The following PCED1B variants were observed in gnomAD, a reference collection of about 807,000 sequenced individuals.
PCED1B encodes the protein PC-esterase domain containing 1B, also known as PC-esterase domain-containing protein 1B.
For synonymous variants in PCED1B, 251 were observed against 246.1 expected, an observed-to-expected ratio of 1.02 and a Z score of -0.19; for missense variants, 573 against 573.9, an observed-to-expected ratio of 1.00 and a Z score of 0.02.
At chr12:47,226,606 C>T (rs1381490693) in intron 3 of PCED1B, among the ~76,000 whole-genome samples, 2 of 152,176 alleles carry the variant, frequency 1.3e-5, no homozygotes, top group Non-Finnish European at 2.9e-5. Context: ...AACTCCTGAT[C>T]TCAAGTTATC....
At chr12:47,151,098 G>A (rs1317887293) in intron 2 of PCED1B, among the ~76,000 whole-genome samples, 1 of 148,694 alleles carries the variant, frequency 6.7e-6, no homozygotes, top group Non-Finnish European at 1.5e-5. Context: ...AAACCAATAG[G>A]ATATTATTTT....
chr12:47,191,406 C>G (rs1942435099), intron 2 of PCED1B, among the ~76,000 whole-genome samples: 1 of 152,148 alleles, frequency 6.6e-6, no homozygotes, highest in African/African-American at 2.4e-5. Context: ...ATTCTATACC[C>G]CAGTGTCAGC....
chr12:47,184,681 T>A (rs1280621163), intron 2 of PCED1B, among the ~76,000 whole-genome samples: 5 of 151,052 alleles, frequency 3.3e-5, no homozygotes, highest in African/African-American at 1.2e-4. Flanking sequence ...AAAAAAAAAA[T>A]TACAATCTAC....
rs1358284620 is a variant in PCED1B at position 47,223,285 on chromosome 12, C to T, written c.-58+6596C>T. 5.3e-5 allele frequency among the ~76,000 whole-genome samples: 8 copies of T among 152,142 alleles called. No homozygotes were observed. In the East Asian group the frequency reaches 1.5e-3, roughly 29 times the overall value. On this transcript the variant is annotated intron_variant, in intron 3 of 3. Transcript: ENST00000546455. ...CCCCTACCCCTCATACTGTAAGAAC[C>T]AAAAAGTGGCCACTGAAAGGAGCAA...
intron 2 of PCED1B, among the ~76,000 whole-genome samples, chr12:47,144,162 G>C (rs180982913): frequency 6.6e-6 from 1 of 152,298 alleles, no homozygotes; most frequent in East Asian, 1.9e-4. Context: ...TTGTAGAGTG[G>C]TGGGTTGAGC....
intron 2 of PCED1B, among the ~76,000 whole-genome samples, chr12:47,153,048 G>T (rs548229444): frequency 2.0e-5 from 3 of 151,986 alleles, no homozygotes; most frequent in East Asian, 2.0e-4. Context: ...AGGAGAAAAT[G>T]CTTAGAATAT....
chr12:47,080,812 CCTCTCT>C (rs1211822735), intron 1 of PCED1B, among the ~76,000 whole-genome samples: 3 of 151,872 alleles, frequency 2.0e-5, no homozygotes, highest in African/African-American at 4.8e-5. Context: ...TCTCTCTCTC[CCTCTCT>C]CTCCTTTCTC....
chr12:47,127,458 TC>T (rs1939937388), intron 2 of PCED1B, among the ~76,000 whole-genome samples: 1 of 150,326 alleles, frequency 6.7e-6, no homozygotes, highest in Admixed American at 6.7e-5. Context: ...AACCTCTGCC[TC>T]CCAGGTTCAA....
At chr12:47,187,126 C>T (rs887145630) in intron 2 of PCED1B, among the ~76,000 whole-genome samples, 2 of 152,114 alleles carry the variant, frequency 1.3e-5, no homozygotes, top group African/African-American at 2.4e-5. Flanking sequence ...AGAAATGCTG[C>T]CCTACTTAAC....
intron 2 of PCED1B, among the ~76,000 whole-genome samples, chr12:47,148,650 T>C (rs1940880544): frequency 6.6e-6 from 1 of 152,230 alleles, no homozygotes; most frequent in South Asian, 2.1e-4. Context: ...CAGAGAGCCA[T>C]GTTTGATGTT....
At chr12:47,203,414 T>A (rs555663445) in intron 2 of PCED1B, among the ~76,000 whole-genome samples, 1 of 152,294 alleles carries the variant, frequency 6.6e-6, no homozygotes, top group African/African-American at 2.4e-5. Context: ...CACCCAGGTA[T>A]TAAGCCCAGC....
intron 2 of PCED1B, among the ~76,000 whole-genome samples, chr12:47,181,000 CTTT>C (rs60972537): frequency 1.2e-3 from 180 of 147,200 alleles, no homozygotes; most frequent in African/African-American, 3.5e-3. Flanking sequence ...CTTTTTCTTT[CTTT>C]TTTTTTTTTT....
rs554927185 is a variant in PCED1B, at chr12:47,159,507, G to C, written c.-526+55312G>C. On this transcript the variant is annotated intron_variant, in intron 2 of 3. Transcript: ENST00000546455. ...TTTCTCTGATGATTAGTGATGTAGA[G>C]CATTTTGTTGGCCATTTGTGTGTCT... Among the ~76,000 whole-genome samples, 51 of 152,034 alleles carry C rather than the reference G, an allele frequency of 3.4e-4. No individual in the cohort carries two copies. The South Asian group carries it at 0.01, about 30-fold the overall frequency.
chr12:47,215,293 A>T (rs1439728571), intron 2 of PCED1B, among the ~76,000 whole-genome samples: 1 of 137,044 alleles, frequency 7.3e-6, no homozygotes, highest in Admixed American at 7.5e-5. Context: ...TGCTCTTGTC[A>T]CCCTGACTGG....
intron 2 of PCED1B, among the ~76,000 whole-genome samples, chr12:47,154,229 C>T (rs1278818690): frequency 6.6e-6 from 1 of 152,142 alleles, no homozygotes. Context: ...TTCTGGTAGT[C>T]CTTTTAAGTT....
At chr12:47,155,496 C>T (rs1158518940) in intron 2 of PCED1B, among the ~76,000 whole-genome samples, 1 of 152,216 alleles carries the variant, frequency 6.6e-6, no homozygotes, top group East Asian at 1.9e-4. Context: ...GAATTATCAT[C>T]TGAGTCTGTG....
chr12:47,096,075 A>C (rs1199519443), intron 1 of PCED1B, among the ~76,000 whole-genome samples: 1 of 152,134 alleles, frequency 6.6e-6, no homozygotes, highest in Non-Finnish European at 1.5e-5. Context: ...ATATCAGAAG[A>C]CCACATCCTC....
intron 3 of PCED1B, among the ~76,000 whole-genome samples, chr12:47,222,765 T>C (rs984116652): frequency 2.2e-5 from 2 of 89,232 alleles, no homozygotes; most frequent in African/African-American, 1.3e-4. Flanking sequence ...TAGTAAGCAG[T>C]GGAGCAGGAT....
chr12:47,170,869 C>G (rs886562199), intron 2 of PCED1B, among the ~76,000 whole-genome samples: 5 of 151,784 alleles, frequency 3.3e-5, no homozygotes, highest in African/African-American at 1.2e-4. Flanking sequence ...TTCATTTTTG[C>G]TGATTTGTTC....
Sources: gnomAD v4.1 joint callset for allele counts (sites outside exome capture counted in the v4.1 genomes callset) on GRCh38, gnomAD v4.1.1 for gene constraint, MANE v1.5 for transcripts, NCBI Gene and HGNC (gene_info 2026-07-23, HGNC 2026-07-21) for gene names.